The following COL24A1 variants were observed in gnomAD, a reference collection of about 807,000 sequenced individuals.
The protein encoded by COL24A1 is collagen type XXIV alpha 1 chain, also known as collagen alpha-1(XXIV) chain.
Under a neutral mutation model 253.9 loss-of-function variants are expected in COL24A1, and 224 were observed. That is an observed-to-expected ratio of 0.88 (90% CI 0.79 to 0.99). COL24A1 has a LOEUF of 0.99. Ranked by LOEUF, COL24A1 falls within the 50% of genes least tolerant of loss-of-function variation. The pLI is 0.00. For missense variants in COL24A1, 2,131 were observed against 2,068.5 expected, an observed-to-expected ratio of 1.03 and a Z score of -0.59; for synonymous variants, 685 against 673.7, an observed-to-expected ratio of 1.02 and a Z score of -0.26.
intron 19 of COL24A1, among the ~76,000 whole-genome samples, chr1:85,997,148 T>A (rs1459166368): frequency 1.3e-5 from 2 of 150,326 alleles, no homozygotes; most frequent in Admixed American, 6.7e-5. Flanking sequence ...CCCTGAGAAC[T>A]TGGCCTTAGA....
rs12136419 is a variant in COL24A1 at position 86,022,813 on chromosome 1, A to T, written c.2148+20T>A. On this transcript the variant is annotated intron_variant, in intron 16 of 59. Coordinates refer to ENST00000370571, the MANE Select transcript of COL24A1 (RefSeq NM_152890.7). ...CAAATGTGATAAAAATTATTTTTAT[A>T]ATATTAATATTTAAATCACCTTATC... 7.2e-7 allele frequency: 1 copy of T among 1,389,202 alleles called. No homozygotes were observed. Among genetic ancestry groups the T allele is most frequent in the East Asian group, 2.6e-5 (1 of 37,980 alleles). The allele number at this position is 1,389,202 out of a possible 1,614,324, so 86.1% of individuals were successfully genotyped here.
chr1:85,741,021 A>G (rs1664566656), intron 57 of COL24A1, among the ~76,000 whole-genome samples: 1 of 145,212 alleles, frequency 6.9e-6, no homozygotes, highest in South Asian at 2.3e-4. Context: ...TGGGAGGCTG[A>G]GGCTGGAGAA....
intron 45 of COL24A1, among the ~76,000 whole-genome samples, chr1:85,819,604 C>T (rs549422772): frequency 1.2e-3 from 186 of 152,158 alleles, no homozygotes; most frequent in African/African-American, 4.3e-3. Context: ...AAAAGTCTAT[C>T]TTTGAGTTAA....
At chr1:86,068,815 C>T (rs766403057) in intron 7 of COL24A1, among the ~76,000 whole-genome samples, 22 of 152,166 alleles carry the variant, frequency 1.4e-4, no homozygotes, top group South Asian at 4.1e-4. Flanking sequence ...CAAGCAGAGA[C>T]GTGAGGCCCC....
intron 24 of COL24A1, among the ~76,000 whole-genome samples, chr1:85,925,054 A>G (rs1168304358): frequency 6.6e-6 from 1 of 152,336 alleles, no homozygotes; most frequent in East Asian, 1.9e-4. Context: ...CCAAATCATG[A>G]GTGAACTCTC....
At chr1:85,830,502 C>T (rs925157827) in intron 43 of COL24A1, among the ~76,000 whole-genome samples, 5 of 152,152 alleles carry the variant, frequency 3.3e-5, no homozygotes, top group Admixed American at 1.3e-4. Flanking sequence ...TGGGCAATGG[C>T]GGGTGCCCCT....
chr1:86,057,089 G>A (rs915018109), intron 10 of COL24A1, among the ~76,000 whole-genome samples: 3 of 152,130 alleles, frequency 2.0e-5, no homozygotes, highest in African/African-American at 7.2e-5. Context: ...GGTGGGAAGT[G>A]ACTGGATTGG....
At chr1:85,933,600 G>A (rs1248639212) in intron 24 of COL24A1, among the ~76,000 whole-genome samples, 2 of 152,178 alleles carry the variant, frequency 1.3e-5, no homozygotes, top group African/African-American at 4.8e-5. Context: ...CTTTCTGAAA[G>A]GCAGACTAAG....
At chr1:86,093,143 A>G (rs1352872983) in intron 5 of COL24A1, among the ~76,000 whole-genome samples, 1 of 152,012 alleles carries the variant, frequency 6.6e-6, no homozygotes, top group Non-Finnish European at 1.5e-5. Context: ...TCTTCTTTAC[A>G]TATTCAGAGA....
intron 18 of COL24A1, among the ~76,000 whole-genome samples, chr1:86,020,061 C>CTTTTT (rs10582249): frequency 0.021 from 2,139 of 102,442 alleles, 5 homozygotes; most frequent in East Asian, 0.041. Context: ...TTCATTCTTT[C>CTTTTT]TTTTTTTTTT....
chr1:85,809,091 G>A (rs1302350276), intron 47 of COL24A1, among the ~76,000 whole-genome samples: 3 of 152,290 alleles, frequency 2.0e-5, no homozygotes, highest in African/African-American at 7.2e-5. Context: ...TTCTACAATA[G>A]TGATGTTATC....
rs766086818 is a variant in COL24A1 at position 85,842,311 on chromosome 1, A to C, written c.3516+29T>G. On this transcript the variant is annotated intron_variant, in intron 40 of 59. Transcript: ENST00000370571. ...TCTTTAATAAAAATGTTTTCATGTG[A>C]ATATATTTTTTCAATTATAAATACT... is the stretch of plus-strand genomic sequence containing the variant. The C allele has an allele frequency of 4.0e-6, 6 of 1,498,730 alleles. No individual in the cohort carries two copies. The South Asian group carries it at 6.0e-5, about 15-fold the overall frequency. 92.8% of individuals were successfully genotyped at this position (1,498,730 alleles called of 1,614,324 possible).
chr1:85,761,040 G>A (rs1245754143), intron 55 of COL24A1, among the ~76,000 whole-genome samples: 4 of 152,076 alleles, frequency 2.6e-5, no homozygotes, highest in Non-Finnish European at 5.9e-5. Context: ...ACCCTGGCTG[G>A]CAAAAAGAGA....
chr1:85,766,371 A>C, intron 53 of COL24A1, among the ~76,000 whole-genome samples: 1 of 51,892 alleles, frequency 1.9e-5, no homozygotes, highest in South Asian at 1.2e-3. Context: ...TCTGTCTCAA[A>C]AAAAAAAAAA....
chr1:85,730,524 A>G lies in COL24A1; in HGVS notation c.*22T>C. The G allele has an allele frequency of 6.2e-7, 1 of 1,611,228 alleles. No individual in the cohort carries two copies. Among genetic ancestry groups the G allele is most frequent in the Non-Finnish European group, 8.5e-7 (1 of 1,177,938 alleles). ...AGCAATTACCTGGCCAACAGCCTGA[A>G]TTCGGAACTAATTCAGAGACTTTAC... is the stretch of plus-strand genomic sequence containing the variant. On this transcript the variant is annotated 3_prime_UTR_variant, in exon 60 of 60. Coordinates refer to ENST00000370571, the MANE Select transcript of COL24A1 (RefSeq NM_152890.7).
intron 55 of COL24A1, among the ~76,000 whole-genome samples, chr1:85,754,710 A>G (rs1666022283): frequency 6.6e-6 from 1 of 152,162 alleles, no homozygotes; most frequent in Non-Finnish European, 1.5e-5. Context: ...TAGGCTCTAC[A>G]GTAGATTTCC....
intron 48 of COL24A1, 94 bp downstream of exon 48, chr1:85,786,260 T>G: frequency 9.0e-7 from 1 of 1,108,740 alleles, no homozygotes; most frequent in Non-Finnish European, 1.3e-6. Context: ...TATTAAAAAC[T>G]ATTAATCTTA....
intron 5 of COL24A1, among the ~76,000 whole-genome samples, chr1:86,098,999 A>C (rs1211961425): frequency 1.3e-5 from 2 of 152,202 alleles, no homozygotes; most frequent in East Asian, 3.8e-4. Context: ...AAATAACTGC[A>C]AAATACACAA....
intron 24 of COL24A1, among the ~76,000 whole-genome samples, chr1:85,914,289 G>A (rs957828433): frequency 2.9e-5 from 4 of 139,804 alleles, no homozygotes; most frequent in Non-Finnish European, 4.6e-5. Flanking sequence ...GTATTTCATC[G>A]TTATTTTGTC....
Sources: allele counts gnomAD v4.1 joint callset (sites outside exome capture counted in the v4.1 genomes callset), GRCh38; gene constraint gnomAD v4.1.1; transcripts MANE v1.5; gene names NCBI Gene and HGNC (gene_info 2026-07-23, HGNC 2026-07-21).